The following ELOVL5 variants were observed in gnomAD, a reference collection of about 807,000 sequenced individuals.
ELOVL5 encodes ELOVL fatty acid elongase 5, also known as very long chain fatty acid elongase 5.
A neutral mutation model predicts 38.6 loss-of-function variants in ELOVL5; 8 were observed. That is an observed-to-expected ratio of 0.21 (90% CI 0.12 to 0.37). ELOVL5 has a LOEUF of 0.37. ELOVL5 is among the 10% of genes least tolerant of loss of function. ELOVL5 has a pLI of 1.00. For missense variants in ELOVL5, 280 were observed against 367.8 expected, an observed-to-expected ratio of 0.76 and a Z score of 1.95; for synonymous variants, 127 against 133.7, an observed-to-expected ratio of 0.95 and a Z score of 0.34.
chr6:53,328,351 C>A (rs1207456125), intron 1 of ELOVL5, among the ~76,000 whole-genome samples: 1 of 151,998 alleles, frequency 6.6e-6, no homozygotes, highest in Non-Finnish European at 1.5e-5. Context: ...TACAGTAGCT[C>A]AACTGTACTG....
intron 1 of ELOVL5, among the ~76,000 whole-genome samples, chr6:53,314,572 A>C (rs1767959322): frequency 6.6e-6 from 1 of 152,250 alleles, no homozygotes; most frequent in Non-Finnish European, 1.5e-5. Context: ...TGTGTAAGGC[A>C]CTATGGCAAG....
chr6:53,305,419 G>A (rs1253616811), intron 1 of ELOVL5, among the ~76,000 whole-genome samples: 3 of 150,476 alleles, frequency 2.0e-5, no homozygotes, highest in Non-Finnish European at 4.4e-5. Flanking sequence ...TGGCTGCCGG[G>A]CGGAGACGCT....
At chr6:53,320,618 C>T (rs768208223) in intron 1 of ELOVL5, among the ~76,000 whole-genome samples, 26 of 151,902 alleles carry the variant, frequency 1.7e-4, no homozygotes, top group Non-Finnish European at 2.5e-4. Flanking sequence ...CCACCACACC[C>T]GGCCAAAACC....
At position 53,343,161 on chromosome 6, in the gene ELOVL5, C is replaced by G. The variant is rs541924080; in HGVS notation, c.-9+5656G>C. On this transcript the variant is annotated intron_variant, in intron 1 of 7. Transcript: ENST00000304434. ...AACCAGCAGCTTGCTGCTGCTGCTGCAATCTCCATCAACTGTTCTGACATT... is the reference window on the plus strand; with the variant it reads ...AACCAGCAGCTTGCTGCTGCTGCTGGAATCTCCATCAACTGTTCTGACATT... Among the ~76,000 whole-genome samples the G allele has an allele frequency of 2.6e-5, 4 of 152,256 alleles. No homozygotes were observed. The South Asian group carries it at 8.3e-4, about 32-fold the overall frequency.
At chr6:53,290,051 CAA>C (rs1025453075) in intron 3 of ELOVL5, 19 of 152,244 alleles carry the variant, frequency 1.2e-4, no homozygotes, top group African/African-American at 4.3e-4. Context: ...AGTCACTGCT[CAA>C]AGTCTTCTCT....
At chr6:53,325,633 G>A (rs767330669) in intron 1 of ELOVL5, among the ~76,000 whole-genome samples, 1 of 152,194 alleles carries the variant, frequency 6.6e-6, no homozygotes, top group Non-Finnish European at 1.5e-5. Context: ...GGGACAAAGG[G>A]AGAGGCTTCA....
intron 1 of ELOVL5, among the ~76,000 whole-genome samples, chr6:53,345,547 T>G (rs1244802826): frequency 1.3e-5 from 2 of 152,264 alleles, no homozygotes; most frequent in East Asian, 1.9e-4. Context: ...CAGGAACTGT[T>G]GTAATTCATT....
Position 53,269,023 on chromosome 6 carries a change from T to C in ELOVL5, c.*104A>G, listed in dbSNP as rs1765828314. On this transcript the variant is annotated 3_prime_UTR_variant, in exon 8 of 8. Transcript: ENST00000304434. The stretch of plus-strand genomic sequence containing the variant: ...AGAAGTCCTACATGAATCACACTAT[T>C]GTAGGCCAGACTAGTTACAGCAGCT... 2 of 1,353,888 alleles carry C rather than the reference T, an allele frequency of 1.5e-6. No individual in the cohort carries two copies. Among genetic ancestry groups the C allele is most frequent in the Admixed American group, 2.0e-5 (1 of 49,112 alleles). 83.9% of individuals were successfully genotyped at this position (1,353,888 alleles called of 1,614,324 possible).
chr6:53,330,252 G>C (rs1411509533), intron 1 of ELOVL5, among the ~76,000 whole-genome samples: 1 of 151,970 alleles, frequency 6.6e-6, no homozygotes, highest in Non-Finnish European at 1.5e-5. Context: ...GCTCAACAAA[G>C]AAAAGGTATA....
intron 1 of ELOVL5, among the ~76,000 whole-genome samples, chr6:53,328,901 C>G (rs1466501696): frequency 6.6e-6 from 1 of 152,198 alleles, no homozygotes; most frequent in Non-Finnish European, 1.5e-5. Flanking sequence ...CTAAAGCAAG[C>G]AACCAGTGTT....
chr6:53,306,103 C>G (rs1272642227), intron 1 of ELOVL5, among the ~76,000 whole-genome samples: 2 of 150,126 alleles, frequency 1.3e-5, no homozygotes, highest in Non-Finnish European at 3.0e-5. Flanking sequence ...ACTCGGCAGG[C>G]GGAGGCAGGA....
intron 3 of ELOVL5, among the ~76,000 whole-genome samples, chr6:53,285,248 G>T (rs1292364912): frequency 6.6e-6 from 1 of 152,200 alleles, no homozygotes; most frequent in African/African-American, 2.4e-5. Context: ...TAAAAATGAT[G>T]AGAAAGCATT....
At chr6:53,280,914 C>T (rs77316650) in intron 3 of ELOVL5, among the ~76,000 whole-genome samples, 20 of 152,222 alleles carry the variant, frequency 1.3e-4, no homozygotes, top group African/African-American at 3.9e-4. Context: ...TCATTTTTAA[C>T]GGTGAGTTGA....
intron 1 of ELOVL5, among the ~76,000 whole-genome samples, chr6:53,298,378 A>G (rs536795130): frequency 1.5e-5 from 2 of 134,520 alleles, no homozygotes; most frequent in African/African-American, 5.0e-5. Context: ...GGTAATATTA[A>G]CTTACTTACT....
chr6:53,308,771 C>T (rs954239749), intron 1 of ELOVL5, among the ~76,000 whole-genome samples: 1 of 151,658 alleles, frequency 6.6e-6, no homozygotes, highest in Non-Finnish European at 1.5e-5. Flanking sequence ...ATTACAGAGA[C>T]AGAGCCTAGA....
chr6:53,292,920 G>C (rs1014664949), intron 2 of ELOVL5, among the ~76,000 whole-genome samples: 2 of 152,212 alleles, frequency 1.3e-5, no homozygotes, highest in Non-Finnish European at 2.9e-5. Context: ...GGCGGATCCA[G>C]AGGAGATACT....
intron 3 of ELOVL5, among the ~76,000 whole-genome samples, chr6:53,281,913 T>C (rs1261428370): frequency 6.6e-6 from 1 of 152,158 alleles, no homozygotes; most frequent in Non-Finnish European, 1.5e-5. Context: ...AGACAGGTTC[T>C]GTACACTTGA....
chr6:53,335,082 T>A (rs1768991190), intron 1 of ELOVL5, among the ~76,000 whole-genome samples: 1 of 152,206 alleles, frequency 6.6e-6, no homozygotes, highest in South Asian at 2.1e-4. Context: ...AATTCCAAGC[T>A]CTATGGGATT....
chr6:53,289,668 C>T (rs533545884), intron 3 of ELOVL5, among the ~76,000 whole-genome samples: 3 of 152,132 alleles, frequency 2.0e-5, no homozygotes, highest in Admixed American at 6.5e-5. Flanking sequence ...TGCAGTGAGC[C>T]GAGATGGCGC....
Sources: allele counts gnomAD v4.1 joint callset (sites outside exome capture counted in the v4.1 genomes callset), GRCh38; gene constraint gnomAD v4.1.1; transcripts MANE v1.5; gene names NCBI Gene and HGNC (gene_info 2026-07-23, HGNC 2026-07-21).